The following ADCY3 variants were observed in gnomAD, a reference collection of about 807,000 sequenced individuals.
The protein encoded by ADCY3 is adenylate cyclase 3.
In ADCY3, 70 loss-of-function variants were observed where a neutral mutation model predicts 119.4. That is an observed-to-expected ratio of 0.59 (90% CI 0.48 to 0.72). ADCY3 has a LOEUF of 0.72. Ranked by LOEUF, ADCY3 falls within the 30% of genes least tolerant of loss-of-function variation. ADCY3 has a pLI of 0.00. For missense variants in ADCY3, 1,238 were observed against 1,541.6 expected, an observed-to-expected ratio of 0.80 and a Z score of 3.30; for synonymous variants, 672 against 621.4, an observed-to-expected ratio of 1.08 and a Z score of -1.21.
intron 2 of ADCY3, among the ~76,000 whole-genome samples, chr2:24,909,157 C>T (rs1437389900): frequency 6.6e-6 from 1 of 152,200 alleles, no homozygotes; most frequent in African/African-American, 2.4e-5. Flanking sequence ...TCAAACCAAA[C>T]TCATCTTCTC....
rs139565389 is a variant in ADCY3, at chr2:24,831,200, T to C, written c.2056-375A>G. Reference sequence around the variant, plus strand: ...GAGCCACCTGTCAGATTTATGTTCCTAAACACTGCTTTACCTTTGTCATTC... The same window carrying C: ...GAGCCACCTGTCAGATTTATGTTCCCAAACACTGCTTTACCTTTGTCATTC... On this transcript the variant is annotated intron_variant, in intron 12 of 21. Coordinates refer to ENST00000679454, the MANE Select transcript of ADCY3 (RefSeq NM_004036.5). 1.5e-3 allele frequency among the ~76,000 whole-genome samples: 228 copies of C among 149,962 alleles called. 2 individuals carry two copies. The highest frequency in any genetic ancestry group is 5.3e-3 in the African/African-American group (217 of 40,870).
chr2:24,825,798 C>T, intron 16 of ADCY3: 1 of 544,490 alleles, frequency 1.8e-6, no homozygotes, highest in African/African-American at 1.9e-5. Flanking sequence ...TCCCCTCCCA[C>T]CTTCACTCCC....
intron 11 of ADCY3, among the ~76,000 whole-genome samples, chr2:24,832,829 C>G (rs114114378): frequency 0.014 from 2,155 of 152,252 alleles, 25 homozygotes; most frequent in Non-Finnish European, 0.019. Flanking sequence ...TTCACGTGTC[C>G]CAAAGCAAAC....
At chr2:24,881,126 G>A (rs749956959) in intron 2 of ADCY3, among the ~76,000 whole-genome samples, 4 of 152,176 alleles carry the variant, frequency 2.6e-5, no homozygotes, top group Admixed American at 6.5e-5. Flanking sequence ...TGCCCATGAG[G>A]GCTGGCTTTT....
intron 17 of ADCY3, 108 bp downstream of exon 17, chr2:24,824,270 C>A (rs1047046349): frequency 6.3e-6 from 9 of 1,424,868 alleles, no homozygotes; most frequent in Non-Finnish European, 8.6e-6. Context: ...TACCTAGGCC[C>A]CAGTCCCCTG....
At position 24,918,186 on chromosome 2, in the gene ADCY3, T is replaced by G; in HGVS notation, c.675+127A>C. The G allele has an allele frequency of 3.9e-6, 4 of 1,016,824 alleles. No individual in the cohort carries two copies. Among genetic ancestry groups the G allele is most frequent in the South Asian group, 3.5e-5 (2 of 57,936 alleles). The allele number at this position is 1,016,824 out of a possible 1,614,324, so 63.0% of individuals were successfully genotyped here. On this transcript the variant is annotated intron_variant, in intron 2 of 21. Coordinates refer to ENST00000679454, the MANE Select transcript of ADCY3 (RefSeq NM_004036.5). The surrounding 1 kb of genome is among the most constrained non-coding windows in gnomAD (Gnocchi z 5.4). ...AAAAGGCAGGGACTAGGGAGAGAGGTGAGAGCCCCGGAGGCCCCCAGGACA... is the reference window on the plus strand; with the variant it reads ...AAAAGGCAGGGACTAGGGAGAGAGGGGAGAGCCCCGGAGGCCCCCAGGACA...
intron 2 of ADCY3, among the ~76,000 whole-genome samples, chr2:24,913,279 T>A (rs775107241): frequency 6.6e-6 from 1 of 152,122 alleles, no homozygotes; most frequent in Non-Finnish European, 1.5e-5. Context: ...CAAGTACTCC[T>A]GGCCACGTGC....
chr2:24,838,044 C>A (rs545160136), intron 8 of ADCY3, among the ~76,000 whole-genome samples: 3 of 151,348 alleles, frequency 2.0e-5, no homozygotes, highest in Non-Finnish European at 4.4e-5. Flanking sequence ...CCTCCTCCCC[C>A]ATGACCAGTC....
At chr2:24,820,689 G>C (rs1343216896) in intron 21 of ADCY3, 35 bp downstream of exon 21, 2 of 1,613,004 alleles carry the variant, frequency 1.2e-6, no homozygotes, top group African/African-American at 2.7e-5. Flanking sequence ...CTCATGCCGA[G>C]TCTGAGCACG....
chr2:24,848,656 T>G (rs1671935102), intron 3 of ADCY3, among the ~76,000 whole-genome samples: 1 of 152,164 alleles, frequency 6.6e-6, no homozygotes, highest in South Asian at 2.1e-4. Flanking sequence ...GGCAAGCACT[T>G]AGAACAGTGC....
intron 13 of ADCY3, among the ~76,000 whole-genome samples, chr2:24,828,704 C>A (rs541473432): frequency 2.0e-4 from 31 of 152,370 alleles, no homozygotes; most frequent in African/African-American, 5.5e-4. Flanking sequence ...ATCAACCCCC[C>A]CTTTTTGTAA....
Position 24,820,878 on chromosome 2 carries a change from C to T in ADCY3, c.3128-30G>A, listed in dbSNP as rs778289824. The T allele has an allele frequency of 1.9e-6, 3 of 1,610,680 alleles. No homozygotes were observed. The African/African-American group carries it at 4.0e-5, about 22-fold the overall frequency. ...GGTAGAGGCATAAAGTTCAGCACAG[C>T]CACAGGCCACACCTTGTTATGGGCC... On this transcript the variant is annotated intron_variant, in intron 20 of 21. Transcript: ENST00000679454.
chr2:24,899,863 G>A lies in ADCY3; in HGVS notation c.675+18450C>T, dbSNP rs886087057. On this transcript the variant is annotated intron_variant, in intron 2 of 21. Coordinates refer to ENST00000679454, the MANE Select transcript of ADCY3 (RefSeq NM_004036.5). The surrounding 1 kb of genome is among the most constrained non-coding windows in gnomAD (Gnocchi z 4.5). ...ACCTATGAGAAGGGGAGCAAGGGAA[G>A]GAAGGAGGACTTTCACTTTTATTCT... is the stretch of plus-strand genomic sequence containing the variant. 3.3e-5 allele frequency among the ~76,000 whole-genome samples: 5 copies of A among 152,198 alleles called. No homozygotes were observed. The highest frequency in any genetic ancestry group is 1.2e-4 in the African/African-American group (5 of 41,444).
intron 14 of ADCY3, 39 bp downstream of exon 14, chr2:24,827,863 A>G (rs543479985): frequency 1.2e-6 from 2 of 1,608,950 alleles, no homozygotes; most frequent in South Asian, 2.2e-5. Context: ...GGGCGGGAGG[A>G]AGGAGACAAT....
intron 2 of ADCY3, among the ~76,000 whole-genome samples, chr2:24,913,568 T>C (rs1481676964): frequency 6.6e-6 from 1 of 152,146 alleles, no homozygotes; most frequent in African/African-American, 2.4e-5. Flanking sequence ...TCAACCTCAC[T>C]GAGCCTCAGT....
At chr2:24,894,985 T>C (rs1678090832) in intron 2 of ADCY3, among the ~76,000 whole-genome samples, 1 of 152,220 alleles carries the variant, frequency 6.6e-6, no homozygotes, top group South Asian at 2.1e-4. Flanking sequence ...TTCCTCTCTA[T>C]GTCGTGTGTC....
At chr2:24,839,632 G>A (rs536947094) in intron 7 of ADCY3, among the ~76,000 whole-genome samples, 1 of 152,326 alleles carries the variant, frequency 6.6e-6, no homozygotes, top group South Asian at 2.1e-4. Context: ...ACAGGCTACT[G>A]CAGGGTCCAG....
chr2:24,828,210 G>T, intron 13 of ADCY3, 49 bp from the exon 14 acceptor site: 1 of 1,601,196 alleles, frequency 6.2e-7, no homozygotes, highest in Non-Finnish European at 8.5e-7. Context: ...AGAACAGCAG[G>T]TGCTGGTCAC....
chr2:24,881,873 G>A lies in ADCY3; in HGVS notation c.676-9154C>T, dbSNP rs927068965. ...AGCGGGTGCTACTGGCCTCTAGTGGGCGGAGGCCAGGGATGCTGCTGAACA... is the reference window on the plus strand; with the variant it reads ...AGCGGGTGCTACTGGCCTCTAGTGGACGGAGGCCAGGGATGCTGCTGAACA... On this transcript the variant is annotated intron_variant, in intron 2 of 21. Transcript: ENST00000679454. 5.3e-4 allele frequency among the ~76,000 whole-genome samples: 80 copies of A among 152,148 alleles called. 4 individuals are homozygous for A.
Sources: allele counts gnomAD v4.1 joint callset (sites outside exome capture counted in the v4.1 genomes callset), GRCh38; gene constraint gnomAD v4.1.1; non-coding constraint Gnocchi (gnomAD v3.1); transcripts MANE v1.5; gene names NCBI Gene and HGNC (gene_info 2026-07-23, HGNC 2026-07-21).